XPO1: variants seen among roughly 807,000 people sequenced by gnomAD.
The protein encoded by XPO1 is exportin 1, also known as exportin-1.
XPO1 carries 5 observed loss-of-function variants against 133.3 expected under a neutral mutation model. The observed-to-expected ratio is 0.04, with a 90% CI of 0.02 to 0.08. The LOEUF (loss-of-function observed/expected upper bound fraction) is 0.08. Ranked by LOEUF, XPO1 falls within the 10% of genes least tolerant of loss-of-function variation. The pLI is 1.00. For missense variants in XPO1, 506 were observed against 1,267.5 expected (o/e 0.40, Z 9.12); for synonymous variants, 419 against 408.2 (o/e 1.03, Z -0.32).
At chr2:61,493,264 G>T in intron 12 of XPO1, 1 of 417,870 alleles carries the variant, frequency 2.4e-6, no homozygotes, top group Admixed American at 4.0e-5. Context: ...AACACAAAAT[G>T]ACACCCAATC....
intron 18 of XPO1, 66 bp downstream of exon 18, chr2:61,488,522 A>G: frequency 6.7e-7 from 1 of 1,488,532 alleles, no homozygotes; most frequent in Non-Finnish European, 9.1e-7. Flanking sequence ...CAAATGTTTG[A>G]CTTAAGGCAG....
At chr2:61,498,063 C>T (rs1054274464) in intron 9 of XPO1, among the ~76,000 whole-genome samples, 1 of 152,208 alleles carries the variant, frequency 6.6e-6, no homozygotes, top group Non-Finnish European at 1.5e-5. Context: ...ATACAACCAA[C>T]TGGTAACAGT....
At chr2:61,501,230 T>C (rs1324154949) in intron 6 of XPO1, among the ~76,000 whole-genome samples, 1 of 152,136 alleles carries the variant, frequency 6.6e-6, no homozygotes, top group Non-Finnish European at 1.5e-5. Flanking sequence ...ATTACTGTTT[T>C]TTCCCCCACA....
chr2:61,520,311 T>C (rs1351152494), intron 4 of XPO1, among the ~76,000 whole-genome samples: 1 of 152,174 alleles, frequency 6.6e-6, no homozygotes, highest in Non-Finnish European at 1.5e-5. Context: ...TTTTGTGAAA[T>C]AAATCTTTAG....
intron 19 of XPO1, among the ~76,000 whole-genome samples, chr2:61,487,643 T>C (rs1228869154): frequency 6.6e-6 from 1 of 152,184 alleles, no homozygotes; most frequent in East Asian, 1.9e-4. Flanking sequence ...AACGATACAG[T>C]TAAAACCTAA....
In XPO1 at chr2:61,488,774, T is replaced by TG; in HGVS notation, c.2023-4dup. The TG allele has an allele frequency of 1.2e-6, 2 of 1,610,530 alleles. No individual in the cohort carries two copies. Among genetic ancestry groups the TG allele is most frequent in the Non-Finnish European group, 1.7e-6 (2 of 1,178,732 alleles). On this transcript the variant is annotated splice_region_variant and splice_polypyrimidine_tract_variant and intron_variant, in intron 17 of 24. Transcript: ENST00000401558. ...GGATCTTTCAGTATATCCACATTCTTGGAGGAAAAAAAGCAAATTCCATTT... is the reference window on the plus strand; with the variant it reads ...GGATCTTTCAGTATATCCACATTCTTGGGAGGAAAAAAAGCAAATTCCATTT...
At chr2:61,503,112 T>TGC (rs1697620372) in intron 4 of XPO1, among the ~76,000 whole-genome samples, 1 of 151,800 alleles carries the variant, frequency 6.6e-6, no homozygotes, top group African/African-American at 2.4e-5. Flanking sequence ...TCAACCACCA[T>TGC]GCCTGGCTAA....
chr2:61,512,701 A>C (rs1698152303), intron 4 of XPO1, among the ~76,000 whole-genome samples: 1 of 152,206 alleles, frequency 6.6e-6, no homozygotes, highest in African/African-American at 2.4e-5. Flanking sequence ...TTCACTCTAA[A>C]ATTTTTATGG....
chr2:61,526,655 A>C (rs1698914954), intron 2 of XPO1, 134 bp from the exon 3 acceptor site: 1 of 625,896 alleles, frequency 1.6e-6, no homozygotes, highest in African/African-American at 1.9e-5. Context: ...GAAATACTCA[A>C]AAATTAGACC....
intron 2 of XPO1, among the ~76,000 whole-genome samples, chr2:61,528,585 T>C (rs935972677): frequency 4.0e-5 from 6 of 150,716 alleles, no homozygotes; most frequent in Admixed American, 6.6e-5. Context: ...TGAGCCAAGA[T>C]TCCCCAAGAA....
At chr2:61,489,386 C>T (rs1696853997) in intron 17 of XPO1, among the ~76,000 whole-genome samples, 1 of 148,946 alleles carries the variant, frequency 6.7e-6, no homozygotes, top group South Asian at 2.2e-4. Context: ...GCACTCCAGC[C>T]CGGGCACCAA....
chr2:61,482,039 T>TTTTTTTTTTTTTTTTTTTTG, intron 23 of XPO1, among the ~76,000 whole-genome samples: 1 of 23,926 alleles, frequency 4.2e-5, no homozygotes, highest in Non-Finnish European at 7.9e-5. Flanking sequence ...GTGGCCTTTT[T>TTTTTTTTTTTTTTTTTTTTG]TTTTTTTTTT....
intron 17 of XPO1, 72 bp from the exon 18 acceptor site, chr2:61,488,843 T>C (rs1191977813): frequency 3.3e-6 from 5 of 1,530,050 alleles, no homozygotes; most frequent in Admixed American, 1.8e-5. Flanking sequence ...GGCTCACGCC[T>C]GTAATCCCAG....
chr2:61,510,782 G>A (rs1223733621), intron 4 of XPO1, among the ~76,000 whole-genome samples: 2 of 151,800 alleles, frequency 1.3e-5, no homozygotes, highest in African/African-American at 2.4e-5. Context: ...ACAAAAAATA[G>A]AAACAGTGAG....
intron 2 of XPO1, among the ~76,000 whole-genome samples, chr2:61,529,923 T>A (rs1041411043): frequency 1.3e-5 from 2 of 152,202 alleles, no homozygotes; most frequent in Admixed American, 1.3e-4. Flanking sequence ...AGAGTTAATG[T>A]GTATACTTTA....
At chr2:61,532,342 T>C (rs1045351895) in intron 2 of XPO1, among the ~76,000 whole-genome samples, 6 of 151,942 alleles carry the variant, frequency 3.9e-5, no homozygotes, top group Non-Finnish European at 8.8e-5. Context: ...TTAGCCAGGA[T>C]GGTCTCGATC....
At chr2:61,509,401 C>T (rs1399203740) in intron 4 of XPO1, among the ~76,000 whole-genome samples, 7 of 152,010 alleles carry the variant, frequency 4.6e-5, no homozygotes, top group Admixed American at 2.6e-4. Flanking sequence ...ACAAGGCGGG[C>T]GGCTCACCTG....
rs2104383217 is a variant in XPO1 at position 61,488,261 on chromosome 2, A to T, written c.2217T>A (p.Val739=). 6.2e-7 allele frequency: 1 copy of T among 1,613,794 alleles called. No individual in the cohort carries two copies. Among genetic ancestry groups the T allele is most frequent in the Non-Finnish European group, 8.5e-7 (1 of 1,179,846 alleles). ...TACTTCTAATCAATGGTTGCTTTGT[A>T]ACCATTTCACCTACAAAACAGAATC... ...SAAIQANGEM[V]TKQPLIRSMR... is the part of the protein sequence containing the mutation. The change falls in exon 19 of 25, where the codon GTT becomes GTA. Residue 739 remains valine, a synonymous_variant. Transcript: ENST00000401558.
chr2:61,514,895 C>T (rs1698290381), intron 4 of XPO1, among the ~76,000 whole-genome samples: 1 of 151,834 alleles, frequency 6.6e-6, no homozygotes, highest in Non-Finnish European at 1.5e-5. Flanking sequence ...GCCAATATGG[C>T]GAAACTCTAT....
Sources: gnomAD v4.1 joint callset for allele counts (sites outside exome capture counted in the v4.1 genomes callset) on GRCh38, gnomAD v4.1.1 for gene constraint, MANE v1.5 for transcripts, NCBI Gene and HGNC (gene_info 2026-07-23, HGNC 2026-07-21) for gene names.